The following AHCY variants were observed in gnomAD, a reference collection of about 807,000 sequenced individuals.
AHCY encodes S-adenosyl-L-homocysteine hydrolase.
Under a neutral mutation model 45.4 loss-of-function variants are expected in AHCY, and 24 were observed. The observed-to-expected ratio is 0.53, with a 90% CI of 0.38 to 0.74. The LOEUF (loss-of-function observed/expected upper bound fraction) is 0.74, where lower values mean the gene tolerates loss of function less well. AHCY is among the 30% of genes least tolerant of loss of function. The pLI, the probability that AHCY is intolerant of heterozygous loss-of-function variation, is 0.00. For synonymous variants in AHCY, 245 were observed against 235.1 expected (o/e 1.04, Z -0.39); for missense variants, 449 against 594.1 (o/e 0.76, Z 2.54).
chr20:34,238,769 C>T, the AHCY span, among the ~76,000 whole-genome samples: 1 of 152,014 alleles, frequency 6.6e-6, no homozygotes, highest in Non-Finnish European at 1.5e-5. Flanking sequence ...AATGTGGTAA[C>T]TCTAGAAACC....
chr20:34,259,156 C>T, the AHCY span, among the ~76,000 whole-genome samples: 1 of 151,118 alleles, frequency 6.6e-6, no homozygotes, highest in Admixed American at 6.6e-5. Flanking sequence ...ACTGCAGTGG[C>T]CCAAGATTGT....
At chr20:34,287,159 G>A (rs1272531010) in intron 8 of AHCY, among the ~76,000 whole-genome samples, 1 of 152,138 alleles carries the variant, frequency 6.6e-6, no homozygotes, top group African/African-American at 2.4e-5. Flanking sequence ...AAAGGTCTCT[G>A]ATGCCCATCA....
upstream of AHCY, among the ~76,000 whole-genome samples, chr20:34,303,772 T>C (rs1159460934): frequency 6.6e-6 from 1 of 152,090 alleles, no homozygotes; most frequent in Non-Finnish European, 1.5e-5. Context: ...GGCGGGAGGA[T>C]CGCTTGAGCC....
chr20:34,281,221 C>CTGGCA (rs2035992220), intron 9 of AHCY, 56 bp from the exon 10 acceptor site: 1 of 1,607,858 alleles, frequency 6.2e-7, no homozygotes, highest in Non-Finnish European at 8.5e-7. Context: ...GACCCCTACA[C>CTGGCA]GCGTCTGGCT....
At chr20:34,247,870 T>C in the AHCY span, among the ~76,000 whole-genome samples, 3 of 152,168 alleles carry the variant, frequency 2.0e-5, no homozygotes, top group Non-Finnish European at 4.4e-5. Flanking sequence ...GTGCTGGGAT[T>C]ACAGGCATGA....
intron 8 of AHCY, chr20:34,285,898 A>T (rs2036167359): frequency 2.2e-6 from 1 of 458,710 alleles, no homozygotes; most frequent in Non-Finnish European, 4.1e-6. Context: ...CAGGAGATCG[A>T]GATTATCTTG....
the AHCY span, among the ~76,000 whole-genome samples, chr20:34,258,673 C>CTATATATATATATATATATATATA: frequency 2.2e-4 from 1 of 4,604 alleles, no homozygotes; most frequent in Non-Finnish European, 6.0e-4. Flanking sequence ...AAGGGGGATG[C>CTATATATATATATATATATATATA]CATATATATA....
At chr20:34,273,825 A>G in the AHCY span, among the ~76,000 whole-genome samples, 4 of 152,190 alleles carry the variant, frequency 2.6e-5, no homozygotes, top group Admixed American at 1.3e-4. Flanking sequence ...AGGAAAAGGA[A>G]TGACTTTTGT....
intron 1 of AHCY, among the ~76,000 whole-genome samples, chr20:34,297,131 C>T (rs896859101): frequency 1.3e-5 from 2 of 152,062 alleles, no homozygotes. Flanking sequence ...CTATTCAATT[C>T]ATCCTACCAA....
chr20:34,293,125 T>C (rs922646989), intron 3 of AHCY, among the ~76,000 whole-genome samples: 1 of 152,136 alleles, frequency 6.6e-6, no homozygotes, highest in African/African-American at 2.4e-5. Context: ...CCCATCTCAT[T>C]CTTCCTCATA....
chr20:34,305,744 G>A (rs185158232), upstream of AHCY, among the ~76,000 whole-genome samples: 1 of 152,222 alleles, frequency 6.6e-6, no homozygotes, highest in African/African-American at 2.4e-5. Flanking sequence ...ATGTTGTAAG[G>A]AATGTAATAA....
At chr20:34,310,723 A>G (rs1324469766) in intron 1 of AHCY, among the ~76,000 whole-genome samples, 1 of 152,252 alleles carries the variant, frequency 6.6e-6, no homozygotes, top group Admixed American at 6.5e-5. Context: ...TTTATCTAAC[A>G]ATATAGAATG....
the AHCY span, among the ~76,000 whole-genome samples, chr20:34,273,280 C>G: frequency 6.7e-6 from 1 of 149,390 alleles, no homozygotes; most frequent in African/African-American, 2.5e-5. Context: ...CCCCAAATCT[C>G]TCCAGGAGAC....
chr20:34,269,388 G>C, the AHCY span: 1 of 569,380 alleles, frequency 1.8e-6, no homozygotes, highest in South Asian at 3.1e-5. Context: ...AAAGTTCTCG[G>C]TCCCTTCGCC....
Position 34,290,256 on chromosome 20 carries a change from A to C in AHCY, c.972+76T>G. The C allele has an allele frequency of 7.0e-7, 1 of 1,429,226 alleles. No homozygotes were observed. The highest frequency in any genetic ancestry group is 1.1e-5 in the South Asian group (1 of 87,478). The allele number at this position is 1,429,226 out of a possible 1,614,324, so 88.5% of individuals were successfully genotyped here. On this transcript the variant is annotated intron_variant, in intron 8 of 9. Coordinates refer to ENST00000217426, the MANE Select transcript of AHCY (RefSeq NM_000687.4). The surrounding 1 kb of genome is among the most constrained non-coding windows in gnomAD (Gnocchi z 4.5). Reference sequence around the variant, plus strand: ...CTGCACAGGTTGCCACCATCTCCTCAGCTCTCCTCCCTGGCAGCCAGCACT... The same window carrying C: ...CTGCACAGGTTGCCACCATCTCCTCCGCTCTCCTCCCTGGCAGCCAGCACT...
In AHCY at chr20:34,295,443, G is replaced by A. The variant is rs59362271; in HGVS notation, c.171C>T (p.Thr57=). Residue 57 remains threonine (T), a synonymous_variant, in exon 2 of 10, where the codon ACC becomes ACT. Coordinates refer to ENST00000217426, the MANE Select transcript of AHCY (RefSeq NM_000687.4). ...TCTCAATGAGGACGGCCGTCTCCAC[G>A]GTCATGTGCAGGCAGCCAGCGATGC... ...GARIAGCLHM[T]VETAVLIETL... 1.3e-5 allele frequency: 21 copies of A among 1,614,136 alleles called. 1 individual carries two copies. Among genetic ancestry groups the A allele is most frequent in the South Asian group, 5.5e-5 (5 of 91,080 alleles).
At chr20:34,265,948 A>C in the AHCY span, among the ~76,000 whole-genome samples, 1 of 151,182 alleles carries the variant, frequency 6.6e-6, no homozygotes, top group Non-Finnish European at 1.5e-5. Context: ...AGACTGTCTC[A>C]AAAAAAAACA....
the AHCY span, among the ~76,000 whole-genome samples, chr20:34,261,363 G>A: frequency 1.3e-5 from 2 of 152,148 alleles, no homozygotes; most frequent in Non-Finnish European, 2.9e-5. Context: ...AGCAAGGCAC[G>A]TGGCATGCAC....
Position 34,280,530 on chromosome 20 carries a change from A to G in AHCY, c.*504T>C, listed in dbSNP as rs1416529981. On this transcript the variant is annotated 3_prime_UTR_variant, in exon 10 of 10. Coordinates refer to ENST00000217426, the MANE Select transcript of AHCY (RefSeq NM_000687.4). ...GGACTAAAAGTACTAACCTCATTGT[A>G]ATGAGGTTTAAGAGAAGGCCCAGCA... is the stretch of plus-strand genomic sequence containing the variant. 4.9e-6 allele frequency: 1 copy of G among 204,250 alleles called. No individual in the cohort carries two copies. Among genetic ancestry groups the G allele is most frequent in the African/African-American group, 2.3e-5 (1 of 43,582 alleles). The allele number at this position is 204,250 out of a possible 1,614,324, so 12.7% of individuals were successfully genotyped here. A position where few individuals can be genotyped will look rare whatever the true frequency, so the allele number is the denominator to read the frequency against.
Sources: allele counts gnomAD v4.1 joint callset (sites outside exome capture counted in the v4.1 genomes callset), GRCh38; gene constraint gnomAD v4.1.1; non-coding constraint Gnocchi (gnomAD v3.1); transcripts MANE v1.5; gene names NCBI Gene and HGNC (gene_info 2026-07-23, HGNC 2026-07-21).